Variants in IL19 observed in about 807,000 individuals in gnomAD.
IL19 encodes the protein interleukin-19.
IL19 carries 15 observed loss-of-function variants against 19.5 expected under a neutral mutation model. The ratio of observed to expected loss-of-function variants is 0.77; its 90% CI spans 0.52 to 1.19. IL19 has a LOEUF of 1.19. Among genes scored for constraint, IL19 ranks in the 50% most tolerant of loss-of-function variants. IL19 has a pLI of 0.00. For missense variants in IL19, 199 were observed against 213.1 expected (o/e 0.93, Z 0.41); for synonymous variants, 78 against 78.3 (o/e 1.00, Z 0.02).
At chr1:206,816,649 A>C (rs915653963) in intron 2 of IL19, among the ~76,000 whole-genome samples, 1 of 152,230 alleles carries the variant, frequency 6.6e-6, no homozygotes, top group Non-Finnish European at 1.5e-5. Flanking sequence ...ACAAATAGAA[A>C]ACAAATAGCA....
intron 2 of IL19, among the ~76,000 whole-genome samples, chr1:206,834,700 G>C (rs1043213219): frequency 1.3e-5 from 2 of 152,194 alleles, no homozygotes; most frequent in African/African-American, 4.8e-5. Context: ...TTTATAATGT[G>C]TTATCATTGT....
chr1:206,806,992 G>T (rs58112914), intron 2 of IL19, among the ~76,000 whole-genome samples: 42,980 of 152,086 alleles, frequency 0.28, 6,819 homozygotes, highest in East Asian at 0.67. Context: ...GAGGTTTAAT[G>T]GACTCACAGT....
At chr1:206,797,061 C>T (rs189594403) in intron 1 of IL19, among the ~76,000 whole-genome samples, 51 of 152,336 alleles carry the variant, frequency 3.3e-4, no homozygotes, top group South Asian at 1.7e-3. Flanking sequence ...CCTTCCCTGA[C>T]TCCTTCGCTG....
At chr1:206,813,190 G>C (rs935279915) in intron 2 of IL19, among the ~76,000 whole-genome samples, 2 of 152,116 alleles carry the variant, frequency 1.3e-5, no homozygotes, top group African/African-American at 2.4e-5. Context: ...CCTAGAGACC[G>C]GACCCTAAAA....
chr1:206,811,443 C>CA (rs61026012), intron 2 of IL19, among the ~76,000 whole-genome samples: 184 of 99,404 alleles, frequency 1.9e-3, no homozygotes, highest in South Asian at 0.01. Flanking sequence ...GACTCCGTCT[C>CA]AAAAAAAAAA....
In IL19 at chr1:206,842,768, G is replaced by T. The variant is rs2243192; in HGVS notation, c.*146G>T. On this transcript the variant is annotated 3_prime_UTR_variant, in exon 7 of 7. Transcript: ENST00000659997. Reference sequence around the variant, plus strand: ...GGCTGGCCTCAGGCTGTCTTATTCCGCTTGAAAATAGCCAAAAAGTCTACT... The same window carrying T: ...GGCTGGCCTCAGGCTGTCTTATTCCTCTTGAAAATAGCCAAAAAGTCTACT... 7.3e-6 allele frequency: 4 copies of T among 551,336 alleles called. No homozygotes were observed. The highest frequency in any genetic ancestry group is 2.6e-5 in the South Asian group (1 of 37,920). 34.2% of individuals were successfully genotyped at this position (551,336 alleles called of 1,614,324 possible).
At chr1:206,805,631 T>A (rs778723357) in intron 2 of IL19, among the ~76,000 whole-genome samples, 15 of 152,158 alleles carry the variant, frequency 9.9e-5, no homozygotes, top group Non-Finnish European at 1.8e-4. Context: ...GAAGATAAAT[T>A]TCCTAGAACA....
intron 2 of IL19, among the ~76,000 whole-genome samples, chr1:206,820,440 A>G (rs1676264558): frequency 6.6e-6 from 1 of 152,178 alleles, no homozygotes; most frequent in Non-Finnish European, 1.5e-5. Context: ...GTTATAAATG[A>G]CTTCCAGATG....
chr1:206,815,457 G>A (rs1676130868), intron 2 of IL19, among the ~76,000 whole-genome samples: 1 of 152,186 alleles, frequency 6.6e-6, no homozygotes, highest in African/African-American at 2.4e-5. Flanking sequence ...AATAGGCCAA[G>A]TTAACTGCTA....
chr1:206,772,304 G>A (rs774794282), intron 1 of IL19: 18 of 1,614,094 alleles, frequency 1.1e-5, no homozygotes, highest in Non-Finnish European at 1.5e-5. Context: ...AGGCATCTCG[G>A]AGATCTCGAA....
At chr1:206,836,908 G>C (rs747621685) in intron 3 of IL19, 50 bp from the exon 4 acceptor site, 25 of 1,603,362 alleles carry the variant, frequency 1.6e-5, no homozygotes, top group Non-Finnish European at 2.1e-5. Context: ...CATCTCAGAA[G>C]AACATAGGAT....
At chr1:206,823,711 T>C (rs1676354865) in intron 2 of IL19, among the ~76,000 whole-genome samples, 1 of 152,184 alleles carries the variant, frequency 6.6e-6, no homozygotes, top group Admixed American at 6.5e-5. Flanking sequence ...TTCTAATGGC[T>C]GAGAAAAGAA....
At chr1:206,797,618 C>A (rs372403582) in intron 1 of IL19, among the ~76,000 whole-genome samples, 5 of 152,304 alleles carry the variant, frequency 3.3e-5, no homozygotes, top group South Asian at 4.1e-4. Context: ...ATGGAAAAAT[C>A]ATTTTCCTGA....
chr1:206,830,160 G>T (rs944979502), intron 2 of IL19, among the ~76,000 whole-genome samples: 1 of 152,192 alleles, frequency 6.6e-6, no homozygotes, highest in African/African-American at 2.4e-5. Context: ...CAGAGGTAAG[G>T]AGATAGAGGT....
chr1:206,776,974 G>A (rs1311893991), intron 1 of IL19, among the ~76,000 whole-genome samples: 4 of 148,878 alleles, frequency 2.7e-5, no homozygotes, highest in Non-Finnish European at 5.9e-5. Context: ...GCTCACGCCT[G>A]TAATCCCAAC....
intron 1 of IL19, among the ~76,000 whole-genome samples, chr1:206,794,226 A>G (rs1250742581): frequency 6.6e-6 from 1 of 152,180 alleles, no homozygotes; most frequent in Non-Finnish European, 1.5e-5. Context: ...CCCCACCTGC[A>G]ACTTGGAAAT....
At position 206,771,024 on chromosome 1, in the gene IL19, G is replaced by A; in HGVS notation, c.-203G>A. Reference sequence around the variant, plus strand: ...GCATCACCTCCTCCAGGTAAAACTGGATCATCTCAGACAAGGCTTGGCAAC... The same window carrying A: ...GCATCACCTCCTCCAGGTAAAACTGAATCATCTCAGACAAGGCTTGGCAAC... On this transcript the variant is annotated 5_prime_UTR_variant, in exon 1 of 7. Transcript: ENST00000659997. 6.2e-7 allele frequency: 1 copy of A among 1,614,134 alleles called. No individual in the cohort carries two copies. The highest frequency in any genetic ancestry group is 8.5e-7 in the Non-Finnish European group (1 of 1,180,008).
At chr1:206,818,007 G>C (rs1676205333) in intron 2 of IL19, among the ~76,000 whole-genome samples, 1 of 151,994 alleles carries the variant, frequency 6.6e-6, no homozygotes, top group African/African-American at 2.4e-5. Flanking sequence ...CAAGTGATCT[G>C]CCTGCCTCAG....
chr1:206,794,281 A>G (rs1177325933), intron 1 of IL19, among the ~76,000 whole-genome samples: 5 of 152,162 alleles, frequency 3.3e-5, no homozygotes, highest in Non-Finnish European at 7.3e-5. Flanking sequence ...GAAATAACAG[A>G]TGGAAAGTTC....
Sources: allele counts gnomAD v4.1 joint callset (sites outside exome capture counted in the v4.1 genomes callset), GRCh38; gene constraint gnomAD v4.1.1; transcripts MANE v1.5; gene names NCBI Gene and HGNC (gene_info 2026-07-23, HGNC 2026-07-21).